COL21A1: variants seen among roughly 807,000 people sequenced by gnomAD.
COL21A1 encodes collagen type XXI alpha 1 chain.
A neutral mutation model predicts 137.9 loss-of-function variants in COL21A1; 149 were observed. That is an observed-to-expected ratio of 1.08 (90% confidence interval 0.95 to 1.24). The LOEUF (loss-of-function observed/expected upper bound fraction) is 1.24, where lower values mean the gene tolerates loss of function less well. Ranked by LOEUF, COL21A1 falls within the 50% of genes most tolerant of loss-of-function variation. The pLI is 0.00. For missense variants in COL21A1, 1,167 were observed against 1,158.4 expected (o/e 1.01, Z -0.11); for synonymous variants, 456 against 391.5 (o/e 1.16, Z -1.95).
intron 17 of COL21A1, chr6:56,091,700 C>T (rs895330870): frequency 1.3e-5 from 2 of 152,338 alleles, no homozygotes; most frequent in African/African-American, 4.8e-5. Context: ...ACACCAAATA[C>T]AACATGCCAT....
intron 1 of COL21A1, among the ~76,000 whole-genome samples, chr6:56,294,705 C>T (rs1393139367): frequency 6.6e-6 from 1 of 151,976 alleles, no homozygotes; most frequent in Non-Finnish European, 1.5e-5. Flanking sequence ...CTCTAAATGA[C>T]AAATGATGTT....
intron 16 of COL21A1, among the ~76,000 whole-genome samples, chr6:56,122,809 G>C (rs1772670192): frequency 1.3e-5 from 2 of 152,074 alleles, no homozygotes; most frequent in South Asian, 4.2e-4. Context: ...AACTGTGCTG[G>C]GTGATTTGTC....
chr6:56,230,490 T>C (rs192152318), intron 1 of COL21A1, among the ~76,000 whole-genome samples: 2 of 152,046 alleles, frequency 1.3e-5, no homozygotes, highest in Non-Finnish European at 2.9e-5. Context: ...GGAAAAGATA[T>C]ACTTCTTATA....
At chr6:56,216,374 C>T (rs188499825) in intron 1 of COL21A1, among the ~76,000 whole-genome samples, 2 of 151,996 alleles carry the variant, frequency 1.3e-5, no homozygotes, top group Admixed American at 1.3e-4. Context: ...CCAAGTAGAC[C>T]CAAAAGTTGA....
chr6:56,239,815 C>T (rs1334397635), intron 1 of COL21A1, among the ~76,000 whole-genome samples: 1 of 152,084 alleles, frequency 6.6e-6, no homozygotes, highest in Admixed American at 6.5e-5. Context: ...GCGGTGAGGC[C>T]TTTAGGAGGT....
rs751702727 is a variant in COL21A1, at chr6:56,182,647, T to C, written c.-29A>G. The C allele has an allele frequency of 1.3e-6, 2 of 1,503,274 alleles. No homozygotes were observed. The highest frequency in any genetic ancestry group is 1.9e-5 in the Admixed American group (1 of 53,304). 93.1% of individuals were successfully genotyped at this position (1,503,274 alleles called of 1,614,324 possible). ...TCTGTTTTCGTTCTAATATTTTGGT[T>C]TTAGGATTCCTAGGGGGAAAAAAAA... On this transcript the variant is annotated 5_prime_UTR_variant, in exon 2 of 30. Transcript: ENST00000244728.
chr6:56,382,537 G>C (rs60427163), intron 1 of COL21A1, among the ~76,000 whole-genome samples: 22 of 152,168 alleles, frequency 1.4e-4, no homozygotes, highest in African/African-American at 5.1e-4. Context: ...TGTGTTTGGA[G>C]ATAGGGCTTT....
intron 17 of COL21A1, among the ~76,000 whole-genome samples, chr6:56,084,317 A>G (rs1450410824): frequency 1.3e-5 from 2 of 151,800 alleles, no homozygotes; most frequent in Non-Finnish European, 2.9e-5. Context: ...ATAACCTTAT[A>G]TGGTAAATGT....
chr6:56,276,866 T>C (rs1763675749), intron 1 of COL21A1: 1 of 583,618 alleles, frequency 1.7e-6, no homozygotes, highest in African/African-American at 1.9e-5. Flanking sequence ...TGGAGTGCAG[T>C]GACGCGGTCC....
intron 1 of COL21A1, among the ~76,000 whole-genome samples, chr6:56,334,917 C>G (rs1032693310): frequency 2.0e-5 from 3 of 152,130 alleles, no homozygotes; most frequent in South Asian, 2.1e-4. Context: ...TATAGCAGCA[C>G]AAAAGTCCAC....
At chr6:56,180,594 T>C (rs954644851) in intron 2 of COL21A1, among the ~76,000 whole-genome samples, 2 of 152,188 alleles carry the variant, frequency 1.3e-5, no homozygotes, top group African/African-American at 4.8e-5. Flanking sequence ...AGGAAACACA[T>C]CTGGTCAACA....
Position 56,138,403 on chromosome 6 carries a change from G to C in COL21A1, c.1542+3382C>G, listed in dbSNP as rs1774161610. Among the ~76,000 whole-genome samples, 3 of 151,730 alleles carry C rather than the reference G, an allele frequency of 2.0e-5. No individual in the cohort carries two copies. In the South Asian group the frequency reaches 6.3e-4, roughly 32 times the overall value. ...TAATAAAATCTCTTAATGAGGAAGG[G>C]GAAGAGGACAGGGCTGAATCCTGGA... On this transcript the variant is annotated intron_variant, in intron 12 of 29. Transcript: ENST00000244728.
At chr6:56,098,515 AT>A (rs1769952519) in intron 17 of COL21A1, among the ~76,000 whole-genome samples, 1 of 35,722 alleles carries the variant, frequency 2.8e-5, no homozygotes, top group Non-Finnish European at 4.4e-5. Context: ...ATAAATATAT[AT>A]ATAAATATAT....
chr6:56,289,669 T>C (rs1408371613), intron 1 of COL21A1, among the ~76,000 whole-genome samples: 1 of 152,192 alleles, frequency 6.6e-6, no homozygotes, highest in African/African-American at 2.4e-5. Context: ...ATATGTGTTC[T>C]GAGCTAGGGA....
At chr6:56,101,585 T>C in intron 16 of COL21A1, 60 bp from the exon 17 acceptor site, 1 of 1,082,838 alleles carries the variant, frequency 9.2e-7, no homozygotes, top group East Asian at 2.6e-5. Flanking sequence ...CTTACCAAAA[T>C]AACAATATAT....
chr6:56,151,894 C>A (rs1039170792), intron 10 of COL21A1, among the ~76,000 whole-genome samples: 1 of 152,106 alleles, frequency 6.6e-6, no homozygotes, highest in Non-Finnish European at 1.5e-5. Flanking sequence ...GACCACCCAA[C>A]GTCACATTCC....
chr6:56,266,674 A>T (rs1047827605), intron 1 of COL21A1, among the ~76,000 whole-genome samples: 1 of 152,272 alleles, frequency 6.6e-6, no homozygotes, highest in African/African-American at 2.4e-5. Flanking sequence ...CTAATAGAAC[A>T]AATAGATCTG....
chr6:56,335,239 T>A (rs1448076808), intron 1 of COL21A1, among the ~76,000 whole-genome samples: 1 of 152,084 alleles, frequency 6.6e-6, no homozygotes, highest in Non-Finnish European at 1.5e-5. Flanking sequence ...TGTGAAAGAC[T>A]AAATATACAA....
rs1766670821 is a variant in COL21A1, at chr6:56,070,765, G to A, written c.1999C>T (p.Pro667Ser). 2 of 1,588,852 alleles carry A rather than the reference G, an allele frequency of 1.3e-6. No homozygotes were observed. The highest frequency in any genetic ancestry group is 1.2e-5 in the South Asian group (1 of 85,546). Reference protein sequence around the residue: ...SKGEPGIQGMPGASGLKGEPG... With the variant: ...SKGEPGIQGMSGASGLKGEPG... Reference sequence around the variant, plus strand: ...ATTACCTTGAGCCCAGAAGCCCCAGGCATCCCTTGAATTCCAGGTTCACCT... The same window carrying A: ...ATTACCTTGAGCCCAGAAGCCCCAGACATCCCTTGAATTCCAGGTTCACCT... The change falls in exon 21 of 30, where the codon CCT becomes TCT. Residue 667 changes from proline to serine, a missense_variant. Pro to Ser is a moderately conservative substitution (Grantham distance 74). Transcript: ENST00000244728.
Sources: gnomAD v4.1 joint callset for allele counts (sites outside exome capture counted in the v4.1 genomes callset) on GRCh38, gnomAD v4.1.1 for gene constraint, MANE v1.5 for transcripts, NCBI Gene and HGNC (gene_info 2026-07-23, HGNC 2026-07-21) for gene names.